Variants in DCDC1 observed in about 807,000 individuals in gnomAD.
DCDC1 encodes the protein doublecortin domain containing 1.
A neutral mutation model predicts 178.3 loss-of-function variants in DCDC1; 200 were observed. The ratio of observed to expected loss-of-function variants is 1.12; its 90% CI spans 1.00 to 1.26. The LOEUF is 1.26. Ranked by LOEUF, DCDC1 falls within the 50% of genes most tolerant of loss-of-function variation. DCDC1 has a pLI of 0.00. For missense variants in DCDC1, 1,983 were observed against 1,749.2 expected (o/e 1.13, Z -2.38); for synonymous variants, 690 against 604.8 (o/e 1.14, Z -2.07).
chr11:30,931,405 T>C (rs1321100938), intron 22 of DCDC1, among the ~76,000 whole-genome samples: 1 of 152,130 alleles, frequency 6.6e-6, no homozygotes, highest in African/African-American at 2.4e-5. Context: ...ATTTAACTTA[T>C]ATAAGGAGTT....
At chr11:31,066,702 G>C (rs1325724663) in intron 18 of DCDC1, among the ~76,000 whole-genome samples, 1 of 152,212 alleles carries the variant, frequency 6.6e-6, no homozygotes, top group Admixed American at 6.5e-5. Context: ...AAAAAGATCA[G>C]TGGTTGCCAG....
chr11:30,922,391 A>G, intron 24 of DCDC1, 112 bp downstream of exon 24: 4 of 1,254,338 alleles, frequency 3.2e-6, no homozygotes, highest in Non-Finnish European at 4.2e-6. Flanking sequence ...AAACAGCAAG[A>G]TGCAGAGGTG....
In DCDC1 at chr11:30,938,284, C is replaced by T. The variant is rs549660171; in HGVS notation, c.2716-6332G>A. Among the ~76,000 whole-genome samples the T allele has an allele frequency of 1.7e-3, 257 of 152,208 alleles. 1 individual carries two copies. The highest frequency in any genetic ancestry group is 2.9e-3 in the Admixed American group (44 of 15,272). ...ACACTCAGTTTCTTCCTCTTTCTCT[C>T]TCTGGGCACGAGCCAAGCCGTGCTG... On this transcript the variant is annotated intron_variant, in intron 21 of 38. Transcript: ENST00000684477.
At position 31,274,158 on chromosome 11, in the gene DCDC1, A is replaced by G. The variant is rs185495117; in HGVS notation, c.961-8558T>C. ...TTGTCTTCTTCATAGGATCATGCAT[A>G]TTCATTCACTGGGGTTTATCAAGAT... On this transcript the variant is annotated intron_variant, in intron 7 of 38. Transcript: ENST00000684477. 4.5e-4 allele frequency among the ~76,000 whole-genome samples: 69 copies of G among 152,274 alleles called. 1 individual carries two copies. The South Asian group carries it at 5.0e-3, about 11-fold the overall frequency.
At chr11:31,337,424 T>C (rs1032162610) in intron 1 of DCDC1, among the ~76,000 whole-genome samples, 5 of 152,222 alleles carry the variant, frequency 3.3e-5, no homozygotes, top group South Asian at 2.1e-4. Flanking sequence ...ATCCCGACAC[T>C]GTGGGAGGCT....
intron 6 of DCDC1, 59 bp downstream of exon 6, chr11:31,305,556 T>C (rs1948398041): frequency 6.5e-7 from 1 of 1,543,430 alleles, no homozygotes; most frequent in African/African-American, 1.4e-5. Context: ...ATTTTTTAAT[T>C]GCACCCCTTA....
chr11:31,083,386 A>G (rs1430442241), intron 17 of DCDC1, among the ~76,000 whole-genome samples: 1 of 152,212 alleles, frequency 6.6e-6, no homozygotes, highest in Non-Finnish European at 1.5e-5. Flanking sequence ...CAGGTCCATT[A>G]GTCCATTGAT....
intron 1 of DCDC1, among the ~76,000 whole-genome samples, chr11:31,361,995 T>G (rs1951732117): frequency 6.6e-6 from 1 of 152,170 alleles, no homozygotes; most frequent in Non-Finnish European, 1.5e-5. Context: ...TAGAAATATC[T>G]CATTCTACAT....
chr11:31,297,496 C>G (rs535389322), intron 6 of DCDC1, among the ~76,000 whole-genome samples: 121 of 152,088 alleles, frequency 8.0e-4, no homozygotes, highest in African/African-American at 2.9e-3. Flanking sequence ...CAGGCGCGCA[C>G]TACCGTGCCT....
At chr11:31,039,373 C>G (rs1054346234) in intron 20 of DCDC1, among the ~76,000 whole-genome samples, 9 of 152,164 alleles carry the variant, frequency 5.9e-5, no homozygotes, top group African/African-American at 2.2e-4. Context: ...GTAATATGCA[C>G]AATGATATTT....
At position 30,968,126 on chromosome 11, in the gene DCDC1, G is replaced by A. The variant is rs189338104; in HGVS notation, c.2592-15558C>T. Among the ~76,000 whole-genome samples, 76 of 152,212 alleles carry A rather than the reference G, an allele frequency of 5.0e-4. 1 individual carries two copies. Among genetic ancestry groups the A allele is most frequent in the South Asian group, 3.9e-3 (19 of 4,824 alleles). On this transcript the variant is annotated intron_variant, in intron 20 of 38. Transcript: ENST00000684477. ...TTCTATCCTTGAGGAGTCCCAGTTT[G>A]GTGAGCAGGATGGGCCAATGGAATA...
intron 1 of DCDC1, among the ~76,000 whole-genome samples, chr11:31,355,634 C>T (rs891638596): frequency 1.1e-4 from 17 of 152,070 alleles, no homozygotes; most frequent in African/African-American, 4.1e-4. Context: ...GTGGCACAAT[C>T]TCTGCTCACT....
chr11:31,219,545 TGAAA>T lies in DCDC1; in HGVS notation c.1221+21901_1221+21904del, dbSNP rs200568030. 8.7e-3 allele frequency among the ~76,000 whole-genome samples: 1,324 copies of T among 152,274 alleles called. 15 individuals are homozygous for T. The highest frequency in any genetic ancestry group is 0.03 in the African/African-American group (1,228 of 41,558). On this transcript the variant is annotated intron_variant, in intron 9 of 38. Coordinates refer to ENST00000684477, the MANE Select transcript of DCDC1 (RefSeq NM_001387274.1). ...TATTTAGTGCATTCAAATAAATAAT[TGAAA>T]GAAAGATGACCAAAGAGTTAAATTT... is the stretch of plus-strand genomic sequence containing the variant.
intron 9 of DCDC1, among the ~76,000 whole-genome samples, chr11:31,144,122 T>C (rs571684479): frequency 2.0e-5 from 3 of 152,134 alleles, no homozygotes; most frequent in African/African-American, 7.2e-5. Context: ...AGAAACTTAC[T>C]TATTTTTTTA....
In DCDC1 at chr11:30,898,732, T is replaced by C. The variant is rs76255720; in HGVS notation, c.4765+809A>G. 8.3e-3 allele frequency among the ~76,000 whole-genome samples: 1,268 copies of C among 152,330 alleles called. 30 individuals carry two copies. The highest frequency in any genetic ancestry group is 0.056 in the East Asian group (289 of 5,188). ...TCTTCTTTTGGTAAGAACTGGGTAATAGCCATTGCAAACCACAGTTAAGTC... is the reference window on the plus strand; with the variant it reads ...TCTTCTTTTGGTAAGAACTGGGTAACAGCCATTGCAAACCACAGTTAAGTC... On this transcript the variant is annotated intron_variant, in intron 34 of 38. Coordinates refer to ENST00000684477, the MANE Select transcript of DCDC1 (RefSeq NM_001387274.1).
intron 7 of DCDC1, among the ~76,000 whole-genome samples, chr11:31,289,257 C>A (rs1283194567): frequency 6.6e-6 from 1 of 152,132 alleles, no homozygotes; most frequent in East Asian, 1.9e-4. Flanking sequence ...AAGAGGTTAT[C>A]TAACATAGCT....
chr11:30,914,913 T>C (rs75580710), intron 27 of DCDC1, among the ~76,000 whole-genome samples: 3,310 of 152,308 alleles, frequency 0.022, 100 homozygotes, highest in South Asian at 0.11. Flanking sequence ...TGTCATCAGA[T>C]AGCCAAGCTG....
intron 31 of DCDC1, chr11:30,904,544 T>A (rs1944925955): frequency 5.6e-6 from 1 of 178,840 alleles, no homozygotes; most frequent in South Asian, 1.3e-4. Flanking sequence ...AAATAAAACA[T>A]CCTATCAACA....
chr11:31,255,484 TGTGA>T (rs199717205), intron 8 of DCDC1, among the ~76,000 whole-genome samples: 1,754 of 152,262 alleles, frequency 0.012, 31 homozygotes, highest in African/African-American at 0.039. Flanking sequence ...TGTGTGTGTG[TGTGA>T]GTATGTGTGT....
Sources: allele counts gnomAD v4.1 joint callset (sites outside exome capture counted in the v4.1 genomes callset), GRCh38; gene constraint gnomAD v4.1.1; transcripts MANE v1.5; gene names NCBI Gene and HGNC (gene_info 2026-07-23, HGNC 2026-07-21).